The following TBL1Y variants were observed in gnomAD, a reference collection of about 807,000 sequenced individuals.
TBL1Y encodes the protein transducin beta like 1 Y-linked.
A neutral mutation model predicts 12.0 loss-of-function variants in TBL1Y; 15 were observed. The observed-to-expected ratio is 1.25, with a 90% CI of 0.83 to 1.92. The LOEUF (loss-of-function observed/expected upper bound fraction) is 1.92, where lower values mean the gene tolerates loss of function less well. TBL1Y is among the 40% of genes most tolerant of loss of function. The pLI is 0.00. For missense variants in TBL1Y, 148 were observed against 116.7 expected (o/e 1.27, Z -1.24); for synonymous variants, 53 against 42.6 (o/e 1.24, Z -0.95).
chrY:6,976,122 A>G, intron 2 of TBL1Y, among the ~76,000 whole-genome samples: 1 of 32,345 alleles, frequency 3.1e-5, no homozygotes. Context: ...TAGTAGAGAC[A>G]ATAGCATTTC....
intron 7 of TBL1Y, among the ~76,000 whole-genome samples, chrY:7,060,887 C>G: frequency 6.3e-5 from 2 of 31,972 alleles, no homozygotes; most frequent in Non-Finnish European, 1.5e-4. Context: ...TCTGTCACCC[C>G]GAAGGAACCA....
At chrY:7,039,408 G>T in intron 6 of TBL1Y, among the ~76,000 whole-genome samples, 1 of 33,239 alleles carries the variant, frequency 3.0e-5, no homozygotes, top group South Asian at 7.0e-4. Context: ...CTCAGGGATG[G>T]CTCCTTCTGT....
At chrY:7,069,539 C>T in intron 8 of TBL1Y, among the ~76,000 whole-genome samples, 1 of 33,622 alleles carries the variant, frequency 3.0e-5, no homozygotes, top group Non-Finnish European at 7.3e-5. Flanking sequence ...TATCCTAATC[C>T]CCTCTTTTCA....
intron 7 of TBL1Y, 119 bp from the exon 8 acceptor site, chrY:7,063,778 G>A: frequency 3.9e-6 from 1 of 255,914 alleles, no homozygotes; most frequent in Non-Finnish European, 6.2e-6. Context: ...CCCCCTGGCT[G>A]CTGGGAGCCA....
chrY:6,991,897 C>T (rs2012367022), intron 3 of TBL1Y, among the ~76,000 whole-genome samples: 1 of 34,093 alleles, frequency 2.9e-5, no homozygotes, highest in East Asian at 7.8e-4. Flanking sequence ...TTTCTCGTTA[C>T]CCAGAAAAGA....
At position 7,085,940 on chromosome Y, in the gene TBL1Y, C is replaced by T. The variant is rs766367939; in HGVS notation, c.1120C>T (p.Leu374=). The T allele has an allele frequency of 7.6e-6, 3 of 395,880 alleles. No individual in the cohort carries two copies. Among genetic ancestry groups the T allele is most frequent in the Non-Finnish European group, 1.1e-5 (3 of 282,953 alleles). The part of the protein sequence containing the change: ...AIKWDPSGML[L]ASCSDDMTLK... ...CAAATGGGATCCTTCTGGAATGTTGCTGGCGTCCTGCTCGGATGACATGAC... is the reference window on the plus strand; with the variant it reads ...CAAATGGGATCCTTCTGGAATGTTGTTGGCGTCCTGCTCGGATGACATGAC... The change falls in exon 15 of 19, where the codon CTG becomes TTG. Residue 374 remains leucine, a synonymous_variant. Transcript: ENST00000383032.
chrY:6,911,214 G>T (rs2011689882), intron 1 of TBL1Y, among the ~76,000 whole-genome samples: 1 of 34,844 alleles, frequency 2.9e-5, no homozygotes, highest in Non-Finnish European at 7.3e-5. Flanking sequence ...CGTGCGCGCC[G>T]TGTGGGGAGT....
chrY:7,055,516 C>T, intron 7 of TBL1Y, among the ~76,000 whole-genome samples: 3 of 33,128 alleles, frequency 9.1e-5, no homozygotes, highest in African/African-American at 3.6e-4. Context: ...TTTAGGAGGC[C>T]AAGGTGGGAG....
chrY:6,935,371 TTTTGCCTGGCATC>T (rs368920059), intron 2 of TBL1Y, among the ~76,000 whole-genome samples: 4,881 of 32,715 alleles, frequency 0.15, no homozygotes, highest in African/African-American at 0.59. Context: ...GTACTCATTA[TTTTGCCTGGCATC>T]TTTCCCTCAG....
At chrY:6,920,447 G>A in intron 2 of TBL1Y, 1 of 34,357 alleles carries the variant, frequency 2.9e-5, no homozygotes, top group Non-Finnish European at 7.3e-5. Flanking sequence ...TTTATTTATT[G>A]TAGAAATAAA....
rs1038441938 is a variant in TBL1Y at position 7,047,520 on chromosome Y, G to T, written c.204+4395G>T. ...TAAGGACTCAGGAGGGACAAGGTGG[G>T]CATCCTCCTGGTTCTCCGTGAGTCC... On this transcript the variant is annotated intron_variant, in intron 7 of 18. Transcript: ENST00000383032. Among the ~76,000 whole-genome samples the T allele has an allele frequency of 9.2e-5, 3 of 32,686 alleles. No individual in the cohort carries two copies. In the South Asian group the frequency reaches 2.1e-3, roughly 23 times the overall value. The allele number at this position is 32,686 out of a possible 37,273, so 87.7% of individuals were successfully genotyped here.
rs761931497 is a variant in TBL1Y at position 7,043,848 on chromosome Y, C to T, written c.204+723C>T. On this transcript the variant is annotated intron_variant, in intron 7 of 18. Transcript: ENST00000383032. ...CTTCATTTCTTGGAGTAGGTTGAAG[C>T]TGTGTTTCCTGGGAACCTGACAGAG... Among the ~76,000 whole-genome samples the T allele has an allele frequency of 4.5e-4, 15 of 33,458 alleles. No individual in the cohort carries two copies. In the East Asian group the frequency reaches 7.1e-3, roughly 16 times the overall value. The allele number at this position is 33,458 out of a possible 37,273, so 89.8% of individuals were successfully genotyped here. A position where few individuals can be genotyped will look rare whatever the true frequency, so the allele number is the denominator to read the frequency against.
chrY:7,004,296 G>C, intron 4 of TBL1Y, among the ~76,000 whole-genome samples: 1 of 33,335 alleles, frequency 3.0e-5, no homozygotes, highest in Non-Finnish European at 7.4e-5. Context: ...ACTGAGTCCT[G>C]TACATTTTTT....
chrY:6,921,807 T>C, intron 2 of TBL1Y, among the ~76,000 whole-genome samples: 2 of 33,805 alleles, frequency 5.9e-5, no homozygotes, highest in Non-Finnish European at 1.5e-4. Flanking sequence ...ATTCCAATTA[T>C]GGACCTGCTT....
At chrY:7,088,794 G>C in intron 17 of TBL1Y, among the ~76,000 whole-genome samples, 5 of 32,940 alleles carry the variant, frequency 1.5e-4, no homozygotes, top group Non-Finnish European at 3.7e-4. Context: ...TGTTCTGTAA[G>C]TATAAAAATA....
At chrY:6,942,070 G>A (rs751001841) in intron 2 of TBL1Y, among the ~76,000 whole-genome samples, 16 of 33,142 alleles carry the variant, frequency 4.8e-4, no homozygotes, top group African/African-American at 1.9e-3. Context: ...CAGGAGAATC[G>A]CTGGAACCCG....
intron 4 of TBL1Y, among the ~76,000 whole-genome samples, chrY:7,010,152 T>A: frequency 3.0e-5 from 1 of 32,956 alleles, no homozygotes; most frequent in Non-Finnish European, 7.4e-5. Context: ...AGCTAAAGAT[T>A]AACAAAATGA....
At chrY:6,960,616 G>T in intron 2 of TBL1Y, among the ~76,000 whole-genome samples, 1 of 33,607 alleles carries the variant, frequency 3.0e-5, no homozygotes. Context: ...CCAGACAGAT[G>T]GAGCCTGTGA....
intron 4 of TBL1Y, among the ~76,000 whole-genome samples, chrY:7,012,005 T>G (rs1030622076): frequency 8.4e-4 from 28 of 33,175 alleles, no homozygotes; most frequent in Middle Eastern, 0.014. Context: ...TACTGGGACC[T>G]GGAGTAAAGG....
Sources: allele counts gnomAD v4.1 joint callset (sites outside exome capture counted in the v4.1 genomes callset), GRCh38; gene constraint gnomAD v4.1.1; transcripts MANE v1.5; gene names NCBI Gene and HGNC (gene_info 2026-07-23, HGNC 2026-07-21).